Variants in JAKMIP3 observed in about 807,000 individuals in gnomAD.
The protein encoded by JAKMIP3 is Janus kinase and microtubule interacting protein 3.
JAKMIP3 carries 58 observed loss-of-function variants against 118.5 expected under a neutral mutation model. That is an observed-to-expected ratio of 0.49 (90% confidence interval 0.40 to 0.61). JAKMIP3 has a LOEUF of 0.61. Ranked by LOEUF, JAKMIP3 falls within the 20% of genes least tolerant of loss-of-function variation. The pLI is 0.00. For synonymous variants in JAKMIP3, 486 were observed against 451.2 expected, an observed-to-expected ratio of 1.08 and a Z score of -0.98; for missense variants, 950 against 1,109.0, an observed-to-expected ratio of 0.86 and a Z score of 2.04.
At chr10:132,145,444 C>T (rs1388031246) in intron 12 of JAKMIP3, 74 bp from the exon 13 acceptor site, 1 of 1,359,380 alleles carries the variant, frequency 7.4e-7, no homozygotes, top group Non-Finnish European at 1.0e-6. Flanking sequence ...TGGTGTTCTG[C>T]CACATCACGA....
intron 22 of JAKMIP3, 142 bp downstream of exon 22, chr10:132,167,197 TAGAA>T: frequency 3.1e-6 from 2 of 655,530 alleles, no homozygotes; most frequent in South Asian, 3.8e-5. Flanking sequence ...AAAGGGTTGT[TAGAA>T]AGCCACCCGC....
intron 23 of JAKMIP3, among the ~76,000 whole-genome samples, chr10:132,182,137 C>T (rs912281340): frequency 1.3e-5 from 2 of 152,270 alleles, no homozygotes; most frequent in Admixed American, 6.5e-5. Context: ...GTGTGGCCTT[C>T]GGTGGGTGCC....
At chr10:132,073,239 G>A (rs1412644920) in intron 1 of JAKMIP3, among the ~76,000 whole-genome samples, 1 of 152,180 alleles carries the variant, frequency 6.6e-6, no homozygotes, top group Non-Finnish European at 1.5e-5. Context: ...AGGCCAGACT[G>A]CAGTGGCGCT....
chr10:132,039,392 C>T (rs1170463739), intron 1 of JAKMIP3, among the ~76,000 whole-genome samples: 1 of 147,438 alleles, frequency 6.8e-6, no homozygotes. Context: ...CCGGTTTTGA[C>T]ATCCCCCCAT....
rs1554963205 is a variant in JAKMIP3, at chr10:132,180,686, T to TGTGCGCGC, written c.*1104-1668_*1104-1667insCGCGCGTG. 2.2e-3 allele frequency among the ~76,000 whole-genome samples: 47 copies of TGTGCGCGC among 20,964 alleles called. 9 individuals are homozygous for TGTGCGCGC. The highest frequency in any genetic ancestry group is 7.6e-3 in the African/African-American group (47 of 6,224). The allele number at this position is 20,964 out of a possible 152,430, so 13.8% of individuals were successfully genotyped here. On this transcript the variant is annotated intron_variant, in intron 23 of 23. Coordinates refer to ENST00000684848, the MANE Select transcript of JAKMIP3 (RefSeq NM_001323087.2). ...GTGTGCGTGTGTGTGCGCGCGCGTGTGTGTGCGTGCGTGTGTGTGTGCGCG... is the reference window on the plus strand; with the variant it reads ...GTGTGCGTGTGTGTGCGCGCGCGTGTGTGCGCGCGTGTGCGTGCGTGTGTGTGTGCGCG...
rs930074192 is a variant in JAKMIP3 at position 132,150,103 on chromosome 10, T to G, written c.2007+62T>G. ...CCCACAACCCCCAGCCCAGCCCCTC[T>G]GGGGTCCAGGAGGCCCTGCCAGCCT... is the stretch of plus-strand genomic sequence containing the variant. On this transcript the variant is annotated intron_variant, in intron 16 of 23. Coordinates refer to ENST00000684848, the MANE Select transcript of JAKMIP3 (RefSeq NM_001323087.2). 1.9e-5 allele frequency: 27 copies of G among 1,408,622 alleles called. No homozygotes were observed. In the African/African-American group the frequency reaches 2.3e-4, roughly 12 times the overall value. The allele number at this position is 1,408,622 out of a possible 1,614,324, so 87.3% of individuals were successfully genotyped here. A position where few individuals can be genotyped will look rare whatever the true frequency, so the allele number is the denominator to read the frequency against.
intron 21 of JAKMIP3, among the ~76,000 whole-genome samples, chr10:132,165,025 G>T (rs2058750358): frequency 6.6e-6 from 1 of 151,856 alleles, no homozygotes; most frequent in South Asian, 2.1e-4. Context: ...CTCCTCTTGT[G>T]GCCTCAGTTT....
intron 1 of JAKMIP3, among the ~76,000 whole-genome samples, chr10:132,079,469 G>GC (rs1033433362): frequency 6.6e-6 from 1 of 152,178 alleles, no homozygotes; most frequent in African/African-American, 2.4e-5. Flanking sequence ...ACACACACAT[G>GC]CCAGCAGTTG....
At chr10:132,159,325 C>T (rs1174834907) in intron 19 of JAKMIP3, among the ~76,000 whole-genome samples, 10 of 107,018 alleles carry the variant, frequency 9.3e-5, no homozygotes, top group South Asian at 3.3e-4. Flanking sequence ...GCTGAGGGCG[C>T]CTCTCCCTGT....
intron 1 of JAKMIP3, among the ~76,000 whole-genome samples, chr10:132,078,630 GGGGGT>G (rs2041246473): frequency 1.3e-5 from 2 of 150,340 alleles, no homozygotes; most frequent in South Asian, 2.1e-4. Context: ...GGGGGGGGGG[GGGGGT>G]CCCGTTTCTG....
intron 1 of JAKMIP3, among the ~76,000 whole-genome samples, chr10:132,067,201 A>G (rs1456955100): frequency 6.6e-6 from 1 of 150,670 alleles, no homozygotes; most frequent in African/African-American, 2.4e-5. Flanking sequence ...CCCACAGAGT[A>G]GATCAATATG....
intron 6 of JAKMIP3, 65 bp downstream of exon 6, chr10:132,136,141 T>C: frequency 6.5e-7 from 1 of 1,545,774 alleles, no homozygotes. Flanking sequence ...ATCTCCTCCC[T>C]TCTCCACGCA....
intron 3 of JAKMIP3, among the ~76,000 whole-genome samples, chr10:132,125,454 A>C (rs77873673): frequency 0.013 from 1,972 of 152,392 alleles, 49 homozygotes; most frequent in African/African-American, 0.041. Context: ...CGTTAGTACC[A>C]CGTCTTAGTT....
At chr10:132,119,372 CT>C (rs1442340390) in intron 3 of JAKMIP3, among the ~76,000 whole-genome samples, 4 of 152,200 alleles carry the variant, frequency 2.6e-5, no homozygotes, top group African/African-American at 7.2e-5. Flanking sequence ...TTGGTACTCA[CT>C]TTGTCTTGTT....
chr10:132,070,440 G>A (rs922280941), intron 1 of JAKMIP3, among the ~76,000 whole-genome samples: 54 of 152,258 alleles, frequency 3.5e-4, no homozygotes, highest in East Asian at 3.9e-4. Context: ...GAGCCACCGC[G>A]CCCGACCTGT....
intron 2 of JAKMIP3, among the ~76,000 whole-genome samples, chr10:132,111,996 G>A (rs1023882438): frequency 2.6e-5 from 4 of 151,976 alleles, no homozygotes; most frequent in African/African-American, 9.7e-5. Context: ...ACTGCTCTGG[G>A]ACACGGGGGA....
intron 1 of JAKMIP3, among the ~76,000 whole-genome samples, chr10:132,096,789 G>A (rs1048697794): frequency 6.6e-6 from 1 of 152,172 alleles, no homozygotes; most frequent in Non-Finnish European, 1.5e-5. Flanking sequence ...TGGAGAAAGC[G>A]GCCGGCCAGG....
intron 1 of JAKMIP3, among the ~76,000 whole-genome samples, chr10:132,067,038 C>G (rs78167723): frequency 6.6e-6 from 1 of 152,088 alleles, no homozygotes; most frequent in African/African-American, 2.4e-5. Context: ...CTCAGTGGAT[C>G]GGGCCTTTGA....
chr10:132,151,659 C>T (rs2056239297), intron 16 of JAKMIP3, among the ~76,000 whole-genome samples: 1 of 152,224 alleles, frequency 6.6e-6, no homozygotes, highest in Non-Finnish European at 1.5e-5. Flanking sequence ...CCCAGGGTCA[C>T]AGAGCTGATG....
Sources: allele counts gnomAD v4.1 joint callset (sites outside exome capture counted in the v4.1 genomes callset), GRCh38; gene constraint gnomAD v4.1.1; transcripts MANE v1.5; gene names NCBI Gene and HGNC (gene_info 2026-07-23, HGNC 2026-07-21).